ATE1: variants seen among roughly 807,000 people sequenced by gnomAD.
ATE1 encodes the protein arginyltransferase 1.
ATE1 carries 36 observed loss-of-function variants against 70.5 expected under a neutral mutation model. The ratio of observed to expected loss-of-function variants is 0.51; its 90% CI spans 0.39 to 0.67. ATE1 has a LOEUF of 0.67. Among genes scored for constraint, ATE1 ranks in the 30% least tolerant of loss-of-function variants. The pLI, the probability that ATE1 is intolerant of heterozygous loss-of-function variation, is 0.00. For missense variants in ATE1, 593 were observed against 629.5 expected (o/e 0.94, Z 0.62); for synonymous variants, 232 against 219.3 (o/e 1.06, Z -0.51).
intron 11 of ATE1, among the ~76,000 whole-genome samples, chr10:121,775,996 T>G (rs1057457408): frequency 6.6e-6 from 1 of 152,222 alleles, no homozygotes; most frequent in Non-Finnish European, 1.5e-5. Flanking sequence ...AAAAGTTGCT[T>G]GTGCACACAT....
chr10:121,774,269 T>A (rs1269184242), intron 11 of ATE1, among the ~76,000 whole-genome samples: 1 of 152,194 alleles, frequency 6.6e-6, no homozygotes, highest in Non-Finnish European at 1.5e-5. Flanking sequence ...TTATTTTAAA[T>A]GATTATGCAA....
In ATE1 at chr10:121,774,176, G is replaced by C. The variant is rs369307269; in HGVS notation, c.1378+15993C>G. 1.2e-4 allele frequency among the ~76,000 whole-genome samples: 19 copies of C among 152,232 alleles called. No homozygotes were observed. The South Asian group carries it at 2.5e-3, about 20-fold the overall frequency. On this transcript the variant is annotated intron_variant, in intron 11 of 11. Coordinates refer to ENST00000224652, the MANE Select transcript of ATE1 (RefSeq NM_001001976.3). ...AATGGATACGCAATAATGGATTCTT[G>C]AACAGGATGTTTTTTAAAAAGAGAC...
At chr10:121,923,851 G>A (rs1486762198) in intron 2 of ATE1, among the ~76,000 whole-genome samples, 1 of 152,124 alleles carries the variant, frequency 6.6e-6, no homozygotes, top group African/African-American at 2.4e-5. Flanking sequence ...ATTTTGTAAG[G>A]TGTGATACAG....
At chr10:121,763,989 G>A (rs190536475) in intron 11 of ATE1, among the ~76,000 whole-genome samples, 47 of 152,238 alleles carry the variant, frequency 3.1e-4, no homozygotes, top group Non-Finnish European at 5.4e-4. Context: ...ACTCCAGAGC[G>A]ACACAGCAAG....
chr10:121,820,212 A>G (rs1947737774), intron 10 of ATE1, among the ~76,000 whole-genome samples: 1 of 152,186 alleles, frequency 6.6e-6, no homozygotes, highest in Non-Finnish European at 1.5e-5. Flanking sequence ...AAAAAACTGC[A>G]ACAGCATATT....
At chr10:121,828,204 C>T (rs1006782525) in intron 10 of ATE1, among the ~76,000 whole-genome samples, 2 of 152,176 alleles carry the variant, frequency 1.3e-5, no homozygotes, top group African/African-American at 4.8e-5. Flanking sequence ...CCATCAGAAA[C>T]GTCTCAAATC....
chr10:121,802,740 T>C (rs1349679548), intron 10 of ATE1, among the ~76,000 whole-genome samples: 1 of 152,194 alleles, frequency 6.6e-6, no homozygotes, highest in Non-Finnish European at 1.5e-5. Context: ...CTGCCAGTCC[T>C]GCATTCAATG....
chr10:121,869,572 G>A (rs961123765), intron 8 of ATE1, among the ~76,000 whole-genome samples: 1 of 152,150 alleles, frequency 6.6e-6, no homozygotes, highest in African/African-American at 2.4e-5. Context: ...GTCAACTCAT[G>A]GATTTTAAAG....
At chr10:121,894,940 A>G (rs1590656081) in intron 7 of ATE1, among the ~76,000 whole-genome samples, 1 of 152,276 alleles carries the variant, frequency 6.6e-6, no homozygotes, top group East Asian at 1.9e-4. Context: ...GCAAAGGGTT[A>G]GAATACACAA....
At position 121,787,065 on chromosome 10, in the gene ATE1, TC is replaced by T. The variant is rs775286201; in HGVS notation, c.1378+3103del. Among the ~76,000 whole-genome samples the T allele has an allele frequency of 3.3e-5, 5 of 152,024 alleles. No individual in the cohort carries two copies. The East Asian group carries it at 9.7e-4, about 29-fold the overall frequency. ...CAAGTTATTGCAGCTTGTCAATCCCTCCCCCCACAGTACCGCAAAGTAGTAT... is the reference window on the plus strand; with the variant it reads ...CAAGTTATTGCAGCTTGTCAATCCCTCCCCCACAGTACCGCAAAGTAGTAT... On this transcript the variant is annotated intron_variant, in intron 11 of 11. Coordinates refer to ENST00000224652, the MANE Select transcript of ATE1 (RefSeq NM_001001976.3).
intron 8 of ATE1, among the ~76,000 whole-genome samples, chr10:121,863,420 T>C (rs1949547725): frequency 6.6e-6 from 1 of 151,742 alleles, no homozygotes; most frequent in African/African-American, 2.4e-5. Flanking sequence ...CACCGGCTAA[T>C]TTTTGTATTT....
intron 11 of ATE1, among the ~76,000 whole-genome samples, chr10:121,757,054 C>T (rs1288504634): frequency 6.6e-6 from 1 of 152,188 alleles, no homozygotes; most frequent in East Asian, 1.9e-4. Flanking sequence ...TTTAACAGCA[C>T]CCAAGTCACC....
chr10:121,922,779 T>TGCATG (rs1336189767), intron 2 of ATE1, among the ~76,000 whole-genome samples: 5 of 152,152 alleles, frequency 3.3e-5, no homozygotes, highest in Admixed American at 6.5e-5. Context: ...ACAACCACAC[T>TGCATG]TGGGTATTCC....
intron 10 of ATE1, among the ~76,000 whole-genome samples, chr10:121,796,654 T>C (rs1490618476): frequency 1.3e-5 from 2 of 152,158 alleles, no homozygotes; most frequent in East Asian, 1.9e-4. Flanking sequence ...AATTAAAATA[T>C]GGCCTCATAA....
Position 121,884,105 on chromosome 10 carries a change from C to CAAAAA in ATE1, c.943-14072_943-14068dup, listed in dbSNP as rs56040116. Among the ~76,000 whole-genome samples, 16 of 43,414 alleles carry CAAAAA rather than the reference C, an allele frequency of 3.7e-4. 2 individuals are homozygous for CAAAAA. The highest frequency in any genetic ancestry group is 5.7e-4 in the African/African-American group (5 of 8,728). The allele number at this position is 43,414 out of a possible 152,430, so 28.5% of individuals were successfully genotyped here. A position where few individuals can be genotyped will look rare whatever the true frequency, so the allele number is the denominator to read the frequency against. On this transcript the variant is annotated intron_variant, in intron 7 of 11. Coordinates refer to ENST00000224652, the MANE Select transcript of ATE1 (RefSeq NM_001001976.3). ...TGAGCGACACAGTGAGACCCAGACTCAAAAAAAAAAAAAAAAAAAAAAAAA... is the reference window on the plus strand; with the variant it reads ...TGAGCGACACAGTGAGACCCAGACTCAAAAAAAAAAAAAAAAAAAAAAAAAAAAAA...
intron 2 of ATE1, among the ~76,000 whole-genome samples, chr10:121,923,812 T>G (rs1951974949): frequency 6.6e-6 from 1 of 152,162 alleles, no homozygotes; most frequent in African/African-American, 2.4e-5. Context: ...AAAAAGTAGG[T>G]AACAGGTAAC....
chr10:121,915,104 A>C (rs1046996211), intron 3 of ATE1, among the ~76,000 whole-genome samples: 1 of 152,214 alleles, frequency 6.6e-6, no homozygotes, highest in African/African-American at 2.4e-5. Flanking sequence ...AACAAACTGG[A>C]GAAAGTAACC....
intron 8 of ATE1, among the ~76,000 whole-genome samples, chr10:121,859,342 C>T (rs1214214837): frequency 2.7e-5 from 4 of 150,368 alleles, no homozygotes; most frequent in Non-Finnish European, 5.9e-5. Flanking sequence ...CTGCAAGCTC[C>T]GCCTCCCGGG....
chr10:121,838,738 T>G (rs1424751467), intron 9 of ATE1, among the ~76,000 whole-genome samples: 5 of 152,148 alleles, frequency 3.3e-5, no homozygotes, highest in African/African-American at 1.2e-4. Context: ...GTAATTACCT[T>G]TTTAAAATGT....
Sources: gnomAD v4.1 joint callset for allele counts (sites outside exome capture counted in the v4.1 genomes callset) on GRCh38, gnomAD v4.1.1 for gene constraint, MANE v1.5 for transcripts, NCBI Gene and HGNC (gene_info 2026-07-23, HGNC 2026-07-21) for gene names.